PPFIBP1: variants seen among roughly 807,000 people sequenced by gnomAD.
PPFIBP1 encodes PPFIB scaffold protein 1.
In PPFIBP1, 112 loss-of-function variants were observed where a neutral mutation model predicts 137.8. The ratio of observed to expected loss-of-function variants is 0.81; its 90% CI spans 0.70 to 0.95. The LOEUF is 0.95. PPFIBP1 is among the 40% of genes least tolerant of loss of function. PPFIBP1 has a pLI of 0.00. For missense variants in PPFIBP1, 1,083 were observed against 1,196.6 expected (o/e 0.91, Z 1.40); for synonymous variants, 378 against 417.3 (o/e 0.91, Z 1.15).
intron 14 of PPFIBP1, among the ~76,000 whole-genome samples, chr12:27,672,162 T>C (rs1357359278): frequency 6.6e-6 from 1 of 152,160 alleles, no homozygotes; most frequent in African/African-American, 2.4e-5. Context: ...ATAGTCACAG[T>C]CACGGGCTGT....
intron 1 of PPFIBP1, among the ~76,000 whole-genome samples, chr12:27,573,989 A>C (rs2050351085): frequency 6.6e-6 from 1 of 151,940 alleles, no homozygotes; most frequent in Non-Finnish European, 1.5e-5. Context: ...CTCTTAAAAA[A>C]AAAAAAAAAA....
chr12:27,679,337 G>A, intron 19 of PPFIBP1, 152 bp from the exon 20 acceptor site: 1 of 712,152 alleles, frequency 1.4e-6, no homozygotes, highest in Non-Finnish European at 2.3e-6. Context: ...ACGTATATGT[G>A]TGTTCCATTT....
intron 12 of PPFIBP1, among the ~76,000 whole-genome samples, chr12:27,665,218 A>T (rs1370078654): frequency 6.6e-6 from 1 of 152,190 alleles, no homozygotes; most frequent in African/African-American, 2.4e-5. Context: ...GACCTTTGTA[A>T]CACGTGGGCC....
At chr12:27,570,326 A>G (rs144333662) in intron 1 of PPFIBP1, among the ~76,000 whole-genome samples, 4 of 152,138 alleles carry the variant, frequency 2.6e-5, no homozygotes, top group Non-Finnish European at 5.9e-5. Context: ...TATTCTGCCT[A>G]TTTGTTGGAT....
intron 2 of PPFIBP1, among the ~76,000 whole-genome samples, chr12:27,622,937 C>T (rs1210411918): frequency 1.3e-5 from 2 of 152,182 alleles, no homozygotes; most frequent in East Asian, 3.8e-4. Context: ...AGTCGTGACC[C>T]ATGGTTTATA....
In PPFIBP1 at chr12:27,672,440, A is replaced by G; in HGVS notation, c.1276A>G (p.Ile426Val). 1 of 1,608,230 alleles carries G rather than the reference A, an allele frequency of 6.2e-7. No homozygotes were observed. Among genetic ancestry groups the G allele is most frequent in the East Asian group, 2.2e-5 (1 of 44,792 alleles). The change falls in exon 15 of 30, where the codon ATC becomes GTC. Residue 426 changes from isoleucine to valine, a missense_variant. Physicochemically the swap from Ile to Val is conservative, Grantham distance 29 (BLOSUM62 3). Transcript: ENST00000228425. ...TTTACATTTTAGTGATGGAAACATAATCCTTGGTGCCACTGTTGATACCCA... is the reference window on the plus strand; with the variant it reads ...TTTACATTTTAGTGATGGAAACATAGTCCTTGGTGCCACTGTTGATACCCA... ...TSFEENDGNIILGATVDTQLC... is the reference protein window; with the variant it reads ...TSFEENDGNIVLGATVDTQLC...
At position 27,676,878 on chromosome 12, in the gene PPFIBP1, G is replaced by A. The variant is rs541825598; in HGVS notation, c.1583-186G>A. 1.4e-5 allele frequency: 11 copies of A among 802,952 alleles called. No individual in the cohort carries two copies. In the South Asian group the frequency reaches 1.6e-4, roughly 12 times the overall value. 49.7% of individuals were successfully genotyped at this position (802,952 alleles called of 1,614,324 possible). A position where few individuals can be genotyped will look rare whatever the true frequency, so the allele number is the denominator to read the frequency against. On this transcript the variant is annotated intron_variant, in intron 18 of 29. Coordinates refer to ENST00000228425, the MANE Select transcript of PPFIBP1 (RefSeq NM_003622.4). ...TTCATCATGGAGTTTCCCATCTGTT[G>A]TGATAGTGGATAAATTAACATTGAC...
intron 12 of PPFIBP1, among the ~76,000 whole-genome samples, chr12:27,665,916 CA>C (rs1358401213): frequency 6.6e-6 from 1 of 152,156 alleles, no homozygotes; most frequent in African/African-American, 2.4e-5. Context: ...CAGCATTTTC[CA>C]TGCCTTCAGA....
intron 4 of PPFIBP1, among the ~76,000 whole-genome samples, chr12:27,639,054 G>A (rs547517202): frequency 6.6e-6 from 1 of 152,288 alleles, no homozygotes; most frequent in African/African-American, 2.4e-5. Flanking sequence ...GCTCCTGCCT[G>A]TTTGTTTCAT....
chr12:27,597,215 T>C (rs2053420324), intron 2 of PPFIBP1, among the ~76,000 whole-genome samples: 1 of 152,248 alleles, frequency 6.6e-6, no homozygotes, highest in Non-Finnish European at 1.5e-5. Context: ...TCGCCCAGGC[T>C]GGAGTGCAGT....
chr12:27,676,424 T>C lies in PPFIBP1; in HGVS notation c.1411-4T>C, dbSNP rs2060516689. On this transcript the variant is annotated splice_region_variant and splice_polypyrimidine_tract_variant and intron_variant, in intron 17 of 29. Transcript: ENST00000228425. ...CTGTTTCACTATTCTTATTTGCCTC[T>C]CAGGACAGAGCTCCGGCAGAAAGCA... The C allele has an allele frequency of 6.6e-7, 1 of 1,513,284 alleles. No homozygotes were observed. Among genetic ancestry groups the C allele is most frequent in the African/African-American group, 1.4e-5 (1 of 71,046 alleles). 93.7% of individuals were successfully genotyped at this position (1,513,284 alleles called of 1,614,324 possible).
At chr12:27,607,717 G>T (rs2054670784) in intron 2 of PPFIBP1, among the ~76,000 whole-genome samples, 1 of 152,154 alleles carries the variant, frequency 6.6e-6, no homozygotes, top group Admixed American at 6.5e-5. Context: ...ATGATGACGG[G>T]TGCAAATTGT....
chr12:27,609,016 A>C (rs2054811698), intron 2 of PPFIBP1: 1 of 162,354 alleles, frequency 6.2e-6, no homozygotes, highest in Non-Finnish European at 1.3e-5. Flanking sequence ...CTTCACCGAC[A>C]CTTAGCTGAG....
intron 2 of PPFIBP1, among the ~76,000 whole-genome samples, chr12:27,588,483 C>T (rs1168351487): frequency 2.0e-5 from 3 of 152,168 alleles, no homozygotes; most frequent in Non-Finnish European, 4.4e-5. Flanking sequence ...AGACGCATGA[C>T]AGAAGGATCG....
At chr12:27,601,487 C>A (rs1565850530) in intron 2 of PPFIBP1, among the ~76,000 whole-genome samples, 1 of 152,192 alleles carries the variant, frequency 6.6e-6, no homozygotes, top group Non-Finnish European at 1.5e-5. Flanking sequence ...CAAGGTTAAA[C>A]TGCATCATAC....
chr12:27,646,113 C>G lies in PPFIBP1; in HGVS notation c.322C>G (p.Arg108Gly), dbSNP rs746813397. 7.4e-6 allele frequency: 12 copies of G among 1,611,942 alleles called. No homozygotes were observed. In the East Asian group the frequency reaches 2.5e-4, roughly 33 times the overall value. The change falls in exon 5 of 30, where the codon CGT (arginine) becomes GGT (glycine). Residue 108 changes from arginine (R) to glycine (G), a missense_variant. By Grantham distance (125) the Arg-to-Gly change is moderately radical. Coordinates refer to ENST00000228425, the MANE Select transcript of PPFIBP1 (RefSeq NM_003622.4). Reference sequence around the variant, plus strand: ...AGATGTGTATCAAGAAAGGCTGGCACGTTTAGAAAATGATAAAGAATCCCT... The same window carrying G: ...AGATGTGTATCAAGAAAGGCTGGCAGGTTTAGAAAATGATAAAGAATCCCT... ...NGDVYQERLA[R>G]LENDKESLVL...
At chr12:27,609,869 G>A (rs1279266917) in intron 2 of PPFIBP1, among the ~76,000 whole-genome samples, 1 of 152,200 alleles carries the variant, frequency 6.6e-6, no homozygotes, top group Non-Finnish European at 1.5e-5. Flanking sequence ...ATGGAGAAGA[G>A]GGTGAATGTG....
intron 9 of PPFIBP1, among the ~76,000 whole-genome samples, chr12:27,657,707 AC>A (rs1291474923): frequency 1.3e-5 from 2 of 151,914 alleles, no homozygotes; most frequent in African/African-American, 4.8e-5. Context: ...CTCACCACCA[AC>A]CGCTTCACCG....
intron 2 of PPFIBP1, among the ~76,000 whole-genome samples, chr12:27,582,338 A>C (rs2051220883): frequency 6.6e-6 from 1 of 152,196 alleles, no homozygotes; most frequent in Non-Finnish European, 1.5e-5. Flanking sequence ...TTTTAAATAT[A>C]TAGCCTCAAC....
Sources: allele counts gnomAD v4.1 joint callset (sites outside exome capture counted in the v4.1 genomes callset), GRCh38; gene constraint gnomAD v4.1.1; transcripts MANE v1.5; gene names NCBI Gene and HGNC (gene_info 2026-07-23, HGNC 2026-07-21).